MDM2: variants seen among roughly 807,000 people sequenced by gnomAD.
The protein encoded by MDM2 is E3 ubiquitin-protein ligase Mdm2.
Under a neutral mutation model 64.3 loss-of-function variants are expected in MDM2, and 11 were observed. That is an observed-to-expected ratio of 0.17 (90% CI 0.11 to 0.28). The LOEUF is 0.28. Ranked by LOEUF, MDM2 falls within the 10% of genes least tolerant of loss-of-function variation. The pLI is 1.00. For synonymous variants in MDM2, 194 were observed against 192.9 expected, an observed-to-expected ratio of 1.01 and a Z score of -0.05; for missense variants, 388 against 577.1, an observed-to-expected ratio of 0.67 and a Z score of 3.36.
intron 5 of MDM2, among the ~76,000 whole-genome samples, chr12:68,820,911 G>A (rs1201644): frequency 0.53 from 80,495 of 151,948 alleles, 23,115 homozygotes; most frequent in African/African-American, 0.76. Context: ...ATATACATGG[G>A]TAAGTCAATA....
At position 68,824,396 on chromosome 12, in the gene MDM2, A is replaced by G. The variant is rs777635548; in HGVS notation, c.392A>G (p.Asn131Ser). ...SSDSGTSVSE[N>S]RCHLEGGSDQ... ...GACTCAGGTACATCTGTGAGTGAGA[A>G]CAGGTGTCACCTTGAAGGTGGGAGT... Residue 131 changes from asparagine to serine, a missense_variant, in exon 6 of 11, where the codon AAC becomes AGC. This residue lies in a region of MDM2 where 168 missense variants were observed against 236.6 expected (regional missense o/e 0.71). Transcript: ENST00000258149. The G allele has an allele frequency of 2.5e-6, 4 of 1,613,900 alleles. No individual in the cohort carries two copies. The Admixed American group carries it at 5.0e-5, about 20-fold the overall frequency.
At chr12:68,809,019 T>A in intron 1 of MDM2, 189 bp from the exon 2 acceptor site, 1 of 1,474,532 alleles carries the variant, frequency 6.8e-7, no homozygotes, top group Non-Finnish European at 8.9e-7. Flanking sequence ...TTCCCAGCTG[T>A]GTTCAGTGGC....
intron 7 of MDM2, among the ~76,000 whole-genome samples, chr12:68,826,630 C>G (rs1882344068): frequency 8.3e-6 from 1 of 120,252 alleles, no homozygotes; most frequent in Non-Finnish European, 1.6e-5. Context: ...GCCTGGGGTA[C>G]AGAGTGAGAC....
chr12:68,817,407 G>T (rs923820610), intron 4 of MDM2, among the ~76,000 whole-genome samples: 1 of 152,114 alleles, frequency 6.6e-6, no homozygotes, highest in Admixed American at 6.6e-5. Context: ...CATTTTCATT[G>T]TCACCTATCA....
At chr12:68,827,662 TG>T (rs1299583951) in intron 7 of MDM2, among the ~76,000 whole-genome samples, 1 of 152,218 alleles carries the variant, frequency 6.6e-6, no homozygotes, top group Admixed American at 6.5e-5. Context: ...TGAATGGTTT[TG>T]TTCTTTATAT....
intron 7 of MDM2, among the ~76,000 whole-genome samples, chr12:68,827,300 AAG>A (rs3730595): frequency 0.31 from 47,380 of 151,896 alleles, 8,664 homozygotes; most frequent in Non-Finnish European, 0.42. Context: ...CCTAGGAGGT[AAG>A]AGTTTTTTTT....
chr12:68,836,050 T>A, intron 9 of MDM2, 66 bp downstream of exon 9: 1 of 1,317,090 alleles, frequency 7.6e-7, no homozygotes, highest in Admixed American at 2.4e-5. Flanking sequence ...TTCATTGACT[T>A]TGAGATTGAA....
chr12:68,825,461 G>A (rs1287711155), intron 7 of MDM2, among the ~76,000 whole-genome samples: 2 of 152,166 alleles, frequency 1.3e-5, no homozygotes, highest in East Asian at 1.9e-4. Flanking sequence ...AGACCATCCT[G>A]TCTAACATGG....
At chr12:68,821,670 C>G (rs1881867359) in intron 5 of MDM2, among the ~76,000 whole-genome samples, 1 of 152,122 alleles carries the variant, frequency 6.6e-6, no homozygotes, top group African/African-American at 2.4e-5. Context: ...CTGTAGTGAA[C>G]TGTGATCATG....
Position 68,842,421 on chromosome 12 carries a change from C to T in MDM2, c.*2572C>T, listed in dbSNP as rs1883852050. 2.1e-6 allele frequency: 1 copy of T among 470,862 alleles called. No individual in the cohort carries two copies. The allele number at this position is 470,862 out of a possible 1,614,324, so 29.2% of individuals were successfully genotyped here. On this transcript the variant is annotated 3_prime_UTR_variant, in exon 11 of 11. Transcript: ENST00000258149. The stretch of plus-strand genomic sequence containing the variant: ...TTATCTATAACCATTTCTATATTTA[C>T]ATTTGAAAATCTCCTTTGGAGACTT...
chr12:68,815,627 G>T, intron 3 of MDM2: 1 of 415,626 alleles, frequency 2.4e-6, no homozygotes, highest in Non-Finnish European at 4.8e-6. Flanking sequence ...TTTTTTTGTA[G>T]AGATGGAGTT....
chr12:68,822,028 TG>T (rs1352991481), intron 5 of MDM2, among the ~76,000 whole-genome samples: 2 of 152,104 alleles, frequency 1.3e-5, no homozygotes, highest in African/African-American at 4.8e-5. Context: ...CTAATTTTTC[TG>T]TATGTTTGGT....
intron 10 of MDM2, among the ~76,000 whole-genome samples, chr12:68,838,851 A>T (rs1445568355): frequency 2.0e-5 from 3 of 152,328 alleles, no homozygotes; most frequent in African/African-American, 7.2e-5. Context: ...TCAGGATGGT[A>T]AGGGTGAAAA....
Position 68,839,492 on chromosome 12 carries a change from A to G in MDM2, c.1137A>G (p.Ser379=). 2 of 1,614,086 alleles carry G rather than the reference A, an allele frequency of 1.2e-6. No homozygotes were observed. Among genetic ancestry groups the G allele is most frequent in the Non-Finnish European group, 1.7e-6 (2 of 1,180,036 alleles). Residue 379 remains serine, a synonymous_variant, in exon 11 of 11, where the codon TCA becomes TCG. Coordinates refer to ENST00000258149, the MANE Select transcript of MDM2 (RefSeq NM_002392.6). ...CTATAGTGAATGATTCCAGAGAGTCATGTGTTGAGGAAAATGATGATAAAA... is the reference window on the plus strand; with the variant it reads ...CTATAGTGAATGATTCCAGAGAGTCGTGTGTTGAGGAAAATGATGATAAAA... ...KKTIVNDSRE[S]CVEENDDKIT...
At position 68,817,478 on chromosome 12, in the gene MDM2, G is replaced by A. The variant is rs916401581; in HGVS notation, c.308+533G>A. 5.9e-5 allele frequency among the ~76,000 whole-genome samples: 9 copies of A among 152,232 alleles called. 1 individual carries two copies. The highest frequency in any genetic ancestry group is 3.3e-4 in the Admixed American group (5 of 15,292). On this transcript the variant is annotated intron_variant, in intron 4 of 10. Transcript: ENST00000258149. Reference sequence around the variant, plus strand: ...ATATTTCTAGAAATAGGCCTGGTGCGGTGGCTCACACCTGTAATCCCAGCA... The same window carrying A: ...ATATTTCTAGAAATAGGCCTGGTGCAGTGGCTCACACCTGTAATCCCAGCA...
chr12:68,846,263 A>C (rs1471604734), downstream of MDM2: 3 of 147,158 alleles, frequency 2.0e-5, no homozygotes, highest in Non-Finnish European at 4.4e-5. Flanking sequence ...TAATTTTTGT[A>C]TTTTTTGTAG....
At position 68,845,006 on chromosome 12, in the gene MDM2, G is replaced by T; in HGVS notation, c.*5157G>T. 1 of 196,282 alleles carries T rather than the reference G, an allele frequency of 5.1e-6. No individual in the cohort carries two copies. Among genetic ancestry groups the T allele is most frequent in the Non-Finnish European group, 1.1e-5 (1 of 94,572 alleles). 12.2% of individuals were successfully genotyped at this position (196,282 alleles called of 1,614,324 possible). ...TGGGCTCAAACTCCTGACCTCAAGT[G>T]ATCTGCCCGCCTTGGCCCCCCAAAG... On this transcript the variant is annotated 3_prime_UTR_variant, in exon 11 of 11. Transcript: ENST00000258149.
In MDM2 at chr12:68,839,425, C is replaced by A. The variant is rs542860790; in HGVS notation, c.1070C>A (p.Thr357Lys). Reference sequence around the variant, plus strand: ...GAGAAAGCCAAACTGGAAAACTCAACACAAGCTGAAGAGGGCTTTGATGTT... The same window carrying A: ...GAGAAAGCCAAACTGGAAAACTCAAAACAAGCTGAAGAGGGCTTTGATGTT... ...ISEKAKLENS[T>K]QAEEGFDVPD... Residue 357 changes from threonine (T) to lysine (K), a missense_variant, in exon 11 of 11, where the codon ACA becomes AAA. This residue lies in a region of MDM2 where 138 missense variants were observed against 143.7 expected (regional missense o/e 0.96). Coordinates refer to ENST00000258149, the MANE Select transcript of MDM2 (RefSeq NM_002392.6). The A allele has an allele frequency of 1.9e-5, 30 of 1,613,680 alleles. No homozygotes were observed. In the South Asian group the frequency reaches 3.1e-4, roughly 17 times the overall value.
At chr12:68,823,532 CT>C (rs1882047678) in intron 5 of MDM2, among the ~76,000 whole-genome samples, 1 of 152,094 alleles carries the variant, frequency 6.6e-6, no homozygotes, top group Non-Finnish European at 1.5e-5. Context: ...TGGTTTTTAC[CT>C]ATTTAATTTC....
Sources: allele counts gnomAD v4.1 joint callset (sites outside exome capture counted in the v4.1 genomes callset), GRCh38; gene constraint gnomAD v4.1.1; regional missense constraint gnomAD v4.1.1; transcripts MANE v1.5; gene names NCBI Gene and HGNC (gene_info 2026-07-23, HGNC 2026-07-21).